C5orf24: variants seen among roughly 807,000 people sequenced by gnomAD.
C5orf24 encodes the protein chromosome 5 open reading frame 24, also known as UPF0461 protein C5orf24.
C5orf24 carries 4 observed loss-of-function variants against 9.8 expected under a neutral mutation model. The ratio of observed to expected loss-of-function variants is 0.41; its 90% CI spans 0.20 to 0.93. C5orf24 has a LOEUF of 0.93. Ranked by LOEUF, C5orf24 falls within the 40% of genes least tolerant of loss-of-function variation. C5orf24 has a pLI of 0.33. For missense variants in C5orf24, 170 were observed against 236.9 expected, an observed-to-expected ratio of 0.72 and a Z score of 1.85; for synonymous variants, 73 against 81.3, an observed-to-expected ratio of 0.90 and a Z score of 0.55.
At chr5:134,853,433 G>A (rs1756217464) in intron 1 of C5orf24, among the ~76,000 whole-genome samples, 1 of 148,468 alleles carries the variant, frequency 6.7e-6, no homozygotes, top group South Asian at 2.1e-4. Context: ...AGTTTGTTGT[G>A]GTAGTGGTTT....
At position 134,855,095 on chromosome 5, in the gene C5orf24, G is replaced by A. The variant is rs1434248933; in HGVS notation, c.195G>A (p.Gln65=). The change falls in exon 2 of 2, where the codon CAG becomes CAA. Residue 65 remains glutamine (Q), a synonymous_variant. Coordinates refer to ENST00000394976, the MANE Select transcript of C5orf24 (RefSeq NM_001135586.1). ...RQDPLNETHL[Q]TTSGRSIEIK... ...ACCCATTAAATGAAACACACTTGCA[G>A]ACTACAAGTGGCAGAAGCATAGAAA... 1 of 1,614,128 alleles carries A rather than the reference G, an allele frequency of 6.2e-7. No individual in the cohort carries two copies. The highest frequency in any genetic ancestry group is 8.5e-7 in the Non-Finnish European group (1 of 1,180,042).
chr5:134,850,089 C>A (rs1756114913), intron 1 of C5orf24, among the ~76,000 whole-genome samples: 1 of 152,152 alleles, frequency 6.6e-6, no homozygotes, highest in South Asian at 2.1e-4. Context: ...TTACATAATA[C>A]AAACTAAAGG....
upstream of C5orf24, among the ~76,000 whole-genome samples, chr5:134,844,930 G>A (rs552512791): frequency 5.3e-5 from 8 of 152,088 alleles, no homozygotes; most frequent in Admixed American, 4.6e-4. Flanking sequence ...TAGAGAAGGG[G>A]TTTCACCATG....
upstream of C5orf24, among the ~76,000 whole-genome samples, chr5:134,842,953 T>C (rs1755921082): frequency 6.6e-6 from 1 of 152,130 alleles, no homozygotes; most frequent in Non-Finnish European, 1.5e-5. Context: ...AGTTATTCCC[T>C]TTAGCTGTAA....
chr5:134,839,802 G>A, the C5orf24 span, among the ~76,000 whole-genome samples: 13 of 150,530 alleles, frequency 8.6e-5, no homozygotes, highest in Admixed American at 1.3e-4. Flanking sequence ...CAGTTCTCGT[G>A]TCTGCCTCCT....
the C5orf24 span, among the ~76,000 whole-genome samples, chr5:134,837,055 C>T: frequency 6.6e-6 from 1 of 151,946 alleles, no homozygotes; most frequent in Non-Finnish European, 1.5e-5. Context: ...CTCACTGCAA[C>T]CTCCGCCTCC....
In C5orf24 at chr5:134,852,131, G is replaced by C. The variant is rs192554010; in HGVS notation, c.-3-2767G>C. On this transcript the variant is annotated intron_variant, in intron 1 of 1. Transcript: ENST00000394976. ...AATTTTTTGTATTTTTAGTAGAGAC[G>C]GTGTTTCACTGTGTTAGCCAGGATG... Among the ~76,000 whole-genome samples the C allele has an allele frequency of 1.8e-3, 277 of 152,254 alleles. 1 individual carries two copies. Among genetic ancestry groups the C allele is most frequent in the South Asian group, 5.4e-3 (26 of 4,814 alleles).
chr5:134,855,441 A>G lies in C5orf24; in HGVS notation c.541A>G (p.Ser181Gly). 6.2e-7 allele frequency: 1 copy of G among 1,614,218 alleles called. No individual in the cohort carries two copies. Among genetic ancestry groups the G allele is most frequent in the Non-Finnish European group, 8.5e-7 (1 of 1,180,026 alleles). Residue 181 changes from serine (S) to glycine (G), a missense_variant, in exon 2 of 2, where the codon AGT (serine) becomes GGT (glycine). By Grantham distance (56) the Ser-to-Gly change is moderately conservative. This residue lies in a region of C5orf24 where 56 missense variants were observed against 60.3 expected (regional missense o/e 0.93). Coordinates refer to ENST00000394976, the MANE Select transcript of C5orf24 (RefSeq NM_001135586.1). ...RAVHGVEETS[S>G]EVKPPNE ...AGTTCATGGGGTAGAGGAAACTAGCAGTGAAGTCAAACCACCCAATGAGTG... is the reference window on the plus strand; with the variant it reads ...AGTTCATGGGGTAGAGGAAACTAGCGGTGAAGTCAAACCACCCAATGAGTG...
chr5:134,834,403 A>G, the C5orf24 span, among the ~76,000 whole-genome samples: 1 of 152,088 alleles, frequency 6.6e-6, no homozygotes, highest in African/African-American at 2.4e-5. Flanking sequence ...TGAAGGCAAC[A>G]TCTTTTCTCT....
rs1356440171 is a variant in C5orf24 at position 134,858,569 on chromosome 5, A to G, written c.*3102A>G. The G allele has an allele frequency of 6.0e-6, 1 of 166,990 alleles. No individual in the cohort carries two copies. The highest frequency in any genetic ancestry group is 6.5e-5 in the Admixed American group (1 of 15,276). 10.3% of individuals were successfully genotyped at this position (166,990 alleles called of 1,614,324 possible). A position where few individuals can be genotyped will look rare whatever the true frequency, so the allele number is the denominator to read the frequency against. ...TGTTCTTCACAAAATAGGTTTCATT[A>G]TTCTATATTTAAACTGTTGGTCAGA... On this transcript the variant is annotated 3_prime_UTR_variant, in exon 2 of 2. Coordinates refer to ENST00000394976, the MANE Select transcript of C5orf24 (RefSeq NM_001135586.1).
the C5orf24 span, among the ~76,000 whole-genome samples, chr5:134,834,895 A>T: frequency 6.6e-6 from 1 of 152,166 alleles, no homozygotes; most frequent in Admixed American, 6.5e-5. Flanking sequence ...AATAAAAAAA[A>T]TTAGCCGGTG....
At chr5:134,838,841 T>C in the C5orf24 span, among the ~76,000 whole-genome samples, 1 of 151,834 alleles carries the variant, frequency 6.6e-6, no homozygotes, top group Non-Finnish European at 1.5e-5. Context: ...TACTGATAAA[T>C]ACCTATGCCC....
chr5:134,858,570 T>C lies in C5orf24; in HGVS notation c.*3103T>C, dbSNP rs1423000708. ...GTTCTTCACAAAATAGGTTTCATTA[T>C]TCTATATTTAAACTGTTGGTCAGAA... On this transcript the variant is annotated 3_prime_UTR_variant, in exon 2 of 2. Transcript: ENST00000394976. 1.2e-5 allele frequency: 2 copies of C among 167,022 alleles called. No individual in the cohort carries two copies. Among genetic ancestry groups the C allele is most frequent in the East Asian group, 3.8e-4 (2 of 5,204 alleles). The allele number at this position is 167,022 out of a possible 1,614,324, so 10.3% of individuals were successfully genotyped here.
chr5:134,845,842 A>C (rs996508833), upstream of C5orf24: 1 of 152,298 alleles, frequency 6.6e-6, no homozygotes, highest in Non-Finnish European at 1.5e-5. Context: ...CACGACGCGC[A>C]AGCGCAGCCT....
At chr5:134,847,106 G>T (rs1006226701) in intron 1 of C5orf24, among the ~76,000 whole-genome samples, 16 of 152,172 alleles carry the variant, frequency 1.1e-4, no homozygotes, top group Non-Finnish European at 1.9e-4. Context: ...CAAGAGAAGA[G>T]AAAGGAATTG....
At chr5:134,837,134 C>T in the C5orf24 span, among the ~76,000 whole-genome samples, 10 of 151,828 alleles carry the variant, frequency 6.6e-5, no homozygotes, top group Non-Finnish European at 1.0e-4. Flanking sequence ...TCACCATGCC[C>T]GGCTAATTTT....
intron 1 of C5orf24, among the ~76,000 whole-genome samples, chr5:134,854,620 C>G (rs144575736): frequency 2.9e-4 from 44 of 152,288 alleles, no homozygotes; most frequent in African/African-American, 1.0e-3. Flanking sequence ...GACTTACACA[C>G]TTTTCTGGTT....
chr5:134,845,069 A>G (rs143871965), upstream of C5orf24, among the ~76,000 whole-genome samples: 578 of 152,264 alleles, frequency 3.8e-3, 6 homozygotes, highest in African/African-American at 0.013. Flanking sequence ...GGTTTGATCA[A>G]CTGTTCACAT....
the C5orf24 span, among the ~76,000 whole-genome samples, chr5:134,837,819 A>C: frequency 6.6e-6 from 1 of 152,234 alleles, no homozygotes; most frequent in African/African-American, 2.4e-5. Context: ...ATAGCAGCCA[A>C]AACAGACCAA....
Sources: gnomAD v4.1 joint callset for allele counts (sites outside exome capture counted in the v4.1 genomes callset) on GRCh38, gnomAD v4.1.1 for gene constraint, gnomAD v4.1.1 regional missense constraint, MANE v1.5 for transcripts, NCBI Gene and HGNC (gene_info 2026-07-23, HGNC 2026-07-21) for gene names.